MICAL2: variants seen among roughly 807,000 people sequenced by gnomAD.
The protein encoded by MICAL2 is [F-actin]-monooxygenase MICAL2.
MICAL2 carries 77 observed loss-of-function variants against 127.3 expected under a neutral mutation model. That is an observed-to-expected ratio of 0.60 (90% CI 0.50 to 0.73). The LOEUF is 0.73. MICAL2 is among the 30% of genes least tolerant of loss of function. The probability of loss-of-function intolerance (pLI) is 0.00; values close to 1 mark genes in which losing one functional copy is unlikely to be tolerated. For missense variants in MICAL2, 1,351 were observed against 1,434.4 expected, an observed-to-expected ratio of 0.94 and a Z score of 0.94; for synonymous variants, 570 against 551.1, an observed-to-expected ratio of 1.03 and a Z score of -0.48.
chr11:12,333,824 A>C (rs749660853), intron 32 of MICAL2, among the ~76,000 whole-genome samples: 2 of 152,166 alleles, frequency 1.3e-5, no homozygotes, highest in Non-Finnish European at 2.9e-5. Context: ...AAAAACATGT[A>C]CTATCTTATG....
At chr11:12,137,596 AGTGT>A (rs763789361) in intron 1 of MICAL2, among the ~76,000 whole-genome samples, 1 of 151,392 alleles carries the variant, frequency 6.6e-6, no homozygotes, top group South Asian at 2.1e-4. Context: ...AGAGAGAGAG[AGTGT>A]GTGTGTGTGT....
chr11:12,234,296 A>G (rs1188813937), intron 15 of MICAL2, among the ~76,000 whole-genome samples: 1 of 141,670 alleles, frequency 7.1e-6, no homozygotes, highest in Non-Finnish European at 1.5e-5. Context: ...CATTTAAGGT[A>G]GAAACCAAAA....
chr11:12,135,428 G>A (rs1475422035), intron 1 of MICAL2, among the ~76,000 whole-genome samples: 2 of 151,988 alleles, frequency 1.3e-5, no homozygotes, highest in African/African-American at 4.8e-5. Context: ...CCAAGCAGAG[G>A]GCTCCAGAAG....
chr11:12,280,055 C>T (rs953475850), intron 1 of MICAL2, among the ~76,000 whole-genome samples: 2 of 152,198 alleles, frequency 1.3e-5, no homozygotes, highest in Admixed American at 6.5e-5. Context: ...CCTGGAACTG[C>T]GTGTGCTTGG....
At chr11:12,258,232 G>A (rs933511111) in intron 24 of MICAL2, among the ~76,000 whole-genome samples, 1 of 152,114 alleles carries the variant, frequency 6.6e-6, no homozygotes, top group African/African-American at 2.4e-5. Context: ...CCACATCCCC[G>A]GGAGCCCCCC....
intron 2 of MICAL2, among the ~76,000 whole-genome samples, chr11:12,156,253 T>C (rs1015568914): frequency 6.6e-6 from 1 of 152,092 alleles, no homozygotes; most frequent in Non-Finnish European, 1.5e-5. Flanking sequence ...TCATTGGCCT[T>C]TCGTAGTAGG....
chr11:12,346,359 G>A (rs1447783783), intron 32 of MICAL2, among the ~76,000 whole-genome samples: 1 of 152,210 alleles, frequency 6.6e-6, no homozygotes, highest in East Asian at 1.9e-4. Flanking sequence ...CACTGCAGCT[G>A]CATGGCAGAT....
chr11:12,350,106 A>G (rs1306596608), intron 33 of MICAL2, among the ~76,000 whole-genome samples: 4 of 152,224 alleles, frequency 2.6e-5, no homozygotes, highest in African/African-American at 9.6e-5. Context: ...CATTAGTGCA[A>G]AGAATCTTTA....
chr11:12,330,833 C>CAGAGAGAGAGAGAGAGGGAGAGACAGAG lies in MICAL2; in HGVS notation c.5515+3582_5515+3583insGGGAGAGACAGAGAGAGAGAGAGAGAGA, dbSNP rs1422663669. ...AGAGAGAGAGAGAGGGAGAGACAGA[C>CAGAGAGAGAGAGAGAGGGAGAGACAGAG]AGAGAGAGAGAGAGACAGAGAGAGG... On this transcript the variant is annotated intron_variant, in intron 32 of 34. Coordinates refer to the MICAL2 transcript ENST00000646065. Among the ~76,000 whole-genome samples, 35 of 132,746 alleles carry CAGAGAGAGAGAGAGAGGGAGAGACAGAG rather than the reference C, an allele frequency of 2.6e-4. 2 individuals carry two copies. Among genetic ancestry groups the CAGAGAGAGAGAGAGAGGGAGAGACAGAG allele is most frequent in the African/African-American group, 8.5e-4 (30 of 35,496 alleles). The allele number at this position is 132,746 out of a possible 152,430, so 87.1% of individuals were successfully genotyped here. A position where few individuals can be genotyped will look rare whatever the true frequency, so the allele number is the denominator to read the frequency against.
chr11:12,158,326 C>T (rs907545418), intron 2 of MICAL2, among the ~76,000 whole-genome samples: 5 of 152,064 alleles, frequency 3.3e-5, no homozygotes, highest in African/African-American at 7.2e-5. Context: ...TTCTTTTGCC[C>T]TTCCTTTTGA....
chr11:12,274,842 AGAG>A (rs1409727690), upstream of MICAL2: 3 of 152,344 alleles, frequency 2.0e-5, no homozygotes, highest in African/African-American at 7.2e-5. Flanking sequence ...GATTTTAAGC[AGAG>A]GAGTGGCATG....
chr11:12,292,373 C>A, downstream of MICAL2: 1 of 1,508,344 alleles, frequency 6.6e-7, no homozygotes, highest in Non-Finnish European at 9.2e-7. Context: ...CCACACTTAT[C>A]TCTGGATTCC....
intron 24 of MICAL2, among the ~76,000 whole-genome samples, chr11:12,268,834 CAAA>C (rs59677738): frequency 3.5e-4 from 50 of 143,888 alleles, no homozygotes; most frequent in African/African-American, 1.0e-3. Flanking sequence ...ACTAAAAATA[CAAA>C]AAAAAAAAAA....
intron 7 of MICAL2, among the ~76,000 whole-genome samples, chr11:12,215,921 C>T (rs1856090581): frequency 6.6e-6 from 1 of 152,192 alleles, no homozygotes; most frequent in Non-Finnish European, 1.5e-5. Context: ...CCATGGCCGG[C>T]ACTTGGCTTT....
chr11:12,191,801 G>A (rs1173838046), intron 3 of MICAL2, among the ~76,000 whole-genome samples: 2 of 151,972 alleles, frequency 1.3e-5, no homozygotes, highest in South Asian at 2.1e-4. Context: ...GAGATGTTGG[G>A]TTATGATAAG....
At chr11:12,227,960 G>A (rs1363079432) in intron 15 of MICAL2, among the ~76,000 whole-genome samples, 1 of 152,238 alleles carries the variant, frequency 6.6e-6, no homozygotes, top group Non-Finnish European at 1.5e-5. Flanking sequence ...AGCAGTGACA[G>A]TTTTGTGTGA....
intron 1 of MICAL2, among the ~76,000 whole-genome samples, chr11:12,111,617 A>G (rs1224692072): frequency 1.3e-5 from 2 of 152,214 alleles, no homozygotes; most frequent in Non-Finnish European, 2.9e-5. Flanking sequence ...CTTAAAGCGG[A>G]AAGAGCTTTT....
intron 2 of MICAL2, 49 bp from the exon 3 acceptor site, chr11:12,162,030 C>CCTAA (rs1336366017): frequency 7.4e-7 from 1 of 1,355,082 alleles, no homozygotes; most frequent in African/African-American, 1.4e-5. Context: ...CATCCCCCAC[C>CCTAA]CTAACCTCAT....
intron 3 of MICAL2, among the ~76,000 whole-genome samples, chr11:12,164,914 C>T (rs1317738848): frequency 6.6e-6 from 1 of 152,120 alleles, no homozygotes; most frequent in Non-Finnish European, 1.5e-5. Flanking sequence ...GCAGGTGGAT[C>T]ACTTGAGGTC....
Sources: gnomAD v4.1 joint callset for allele counts (sites outside exome capture counted in the v4.1 genomes callset) on GRCh38, gnomAD v4.1.1 for gene constraint, MANE v1.5 for transcripts, NCBI Gene and HGNC (gene_info 2026-07-23, HGNC 2026-07-21) for gene names.